The following JMJD1C variants were observed in gnomAD, a reference collection of about 807,000 sequenced individuals.
The protein encoded by JMJD1C is jumonji domain-containing protein 1C.
JMJD1C carries 31 observed loss-of-function variants against 245.3 expected under a neutral mutation model. That is an observed-to-expected ratio of 0.13 (90% CI 0.09 to 0.17). The LOEUF is 0.17. Ranked by LOEUF, JMJD1C falls within the 10% of genes least tolerant of loss-of-function variation. JMJD1C has a pLI of 1.00. For synonymous variants in JMJD1C, 1,057 were observed against 1,017.4 expected (o/e 1.04, Z -0.74); for missense variants, 2,691 against 3,000.2 (o/e 0.90, Z 2.41).
intron 2 of JMJD1C, among the ~76,000 whole-genome samples, chr10:63,281,366 G>A (rs984186107): frequency 7.3e-5 from 9 of 123,494 alleles, no homozygotes; most frequent in African/African-American, 2.2e-4. Context: ...TCACCATGTC[G>A]GCCAGACTGG....
At chr10:63,308,928 AAG>A (rs1938713921) in intron 2 of JMJD1C, among the ~76,000 whole-genome samples, 1 of 152,124 alleles carries the variant, frequency 6.6e-6, no homozygotes, top group Non-Finnish European at 1.5e-5. Context: ...CTTGGGGAAA[AAG>A]AGAAGATTCT....
chr10:63,238,395 G>A (rs1277134571), intron 3 of JMJD1C, among the ~76,000 whole-genome samples: 2 of 151,748 alleles, frequency 1.3e-5, no homozygotes, highest in Non-Finnish European at 1.5e-5. Flanking sequence ...TAAACTGAAT[G>A]AAGCATATTA....
Position 63,378,221 on chromosome 10 carries a change from C to T in JMJD1C, c.333+2097G>A, listed in dbSNP as rs537390187. Among the ~76,000 whole-genome samples the T allele has an allele frequency of 3.5e-3, 532 of 152,074 alleles. 1 individual carries two copies. The highest frequency in any genetic ancestry group is 6.8e-3 in the Middle Eastern group (2 of 294). ...CAAAATTATCATTAAACAGTATTTT[C>T]CAATAAAAATTCTCTCTAAAATCAG... On this transcript the variant is annotated intron_variant, in intron 2 of 25. Transcript: ENST00000399262.
intron 4 of JMJD1C, 103 bp downstream of exon 4, chr10:63,219,775 A>G (rs923152151): frequency 5.9e-5 from 40 of 673,958 alleles, no homozygotes; most frequent in Non-Finnish European, 1.3e-5. Flanking sequence ...AAAATATTGG[A>G]CTGGGCCTTC....
intron 1 of JMJD1C, among the ~76,000 whole-genome samples, chr10:63,511,346 C>T (rs1201988039): frequency 6.6e-6 from 1 of 152,170 alleles, no homozygotes; most frequent in Non-Finnish European, 1.5e-5. Flanking sequence ...ACAGTTGACC[C>T]TTAAACAACA....
At chr10:63,337,623 G>A (rs145815785) in intron 2 of JMJD1C, among the ~76,000 whole-genome samples, 895 of 41,156 alleles carry the variant, frequency 0.022, 43 homozygotes, top group South Asian at 0.048. Flanking sequence ...GAAAAGAAAA[G>A]AAAAAGAAAA....
chr10:63,246,800 G>A (rs1052744597), intron 3 of JMJD1C, among the ~76,000 whole-genome samples: 1 of 151,922 alleles, frequency 6.6e-6, no homozygotes, highest in Non-Finnish European at 1.5e-5. Context: ...GGAAACCTCT[G>A]AAAACACACA....
At chr10:63,168,159 ATCACT>A (rs780454077) in intron 25 of JMJD1C, 25 bp from the exon 26 acceptor site, 3 of 1,453,334 alleles carry the variant, frequency 2.1e-6, no homozygotes, top group South Asian at 1.1e-5. Context: ...GATATTTCTA[ATCACT>A]TCAGTTCGAC....
At chr10:63,196,639 T>C (rs1845492479) in intron 13 of JMJD1C, among the ~76,000 whole-genome samples, 1 of 152,212 alleles carries the variant, frequency 6.6e-6, no homozygotes, top group African/African-American at 2.4e-5. Context: ...ACTCATTACT[T>C]TGAGACAGAC....
At chr10:63,424,151 G>A (rs189197743) in intron 1 of JMJD1C, among the ~76,000 whole-genome samples, 2 of 151,948 alleles carry the variant, frequency 1.3e-5, no homozygotes, top group Admixed American at 1.3e-4. Context: ...GGACTGAAGT[G>A]ACTGAAGGTG....
chr10:63,216,355 GTAT>G (rs1289206967), intron 5 of JMJD1C, among the ~76,000 whole-genome samples: 2 of 151,684 alleles, frequency 1.3e-5, no homozygotes, highest in African/African-American at 2.4e-5. Context: ...TTAAAAATGA[GTAT>G]TTTTTGTATT....
intron 2 of JMJD1C, among the ~76,000 whole-genome samples, chr10:63,291,699 T>A (rs897641960): frequency 1.3e-5 from 2 of 151,904 alleles, no homozygotes; most frequent in Non-Finnish European, 2.9e-5. Context: ...ATGATCACAG[T>A]GCACTATGGC....
rs556813190 is a variant in JMJD1C at position 63,291,940 on chromosome 10, C to G, written c.334-27176G>C. ...ACATGAGAAATGTGTGTGTGCATGT[C>G]TGTGTGTGTTGTATGTGTGTGTGTA... On this transcript the variant is annotated intron_variant, in intron 2 of 25. Transcript: ENST00000399262. Among the ~76,000 whole-genome samples, 5 of 151,866 alleles carry G rather than the reference C, an allele frequency of 3.3e-5. No homozygotes were observed. In the East Asian group the frequency reaches 9.7e-4, roughly 29 times the overall value.
chr10:63,180,297 C>T (rs190380333), intron 22 of JMJD1C, among the ~76,000 whole-genome samples: 1 of 152,344 alleles, frequency 6.6e-6, no homozygotes, highest in African/African-American at 2.4e-5. Context: ...AGGCGTGAGC[C>T]ACTGCTAATT....
chr10:63,504,968 T>C lies in JMJD1C; in HGVS notation n.113+16770A>G, dbSNP rs1328049471. ...AGGAGTTTGAGGTGAGCTATGATCA[T>C]ACCACTGTACTCCAGCATGAGTGAC... On this transcript the variant is annotated intron_variant and non_coding_transcript_variant, in intron 1 of 3. Coordinates refer to the JMJD1C transcript ENST00000633035. Among the ~76,000 whole-genome samples the C allele has an allele frequency of 2.0e-5, 3 of 151,974 alleles. 1 individual carries two copies. Among genetic ancestry groups the C allele is most frequent in the Admixed American group, 2.0e-4 (3 of 15,268 alleles).
At chr10:63,293,499 TTG>T (rs1399259122) in intron 2 of JMJD1C, among the ~76,000 whole-genome samples, 1 of 152,198 alleles carries the variant, frequency 6.6e-6, no homozygotes, top group Non-Finnish European at 1.5e-5. Flanking sequence ...TATGTAATAT[TTG>T]TTTTTCCTTC....
At chr10:63,445,076 A>T (rs934135555) in intron 1 of JMJD1C, among the ~76,000 whole-genome samples, 2 of 151,938 alleles carry the variant, frequency 1.3e-5, no homozygotes, top group African/African-American at 4.8e-5. Context: ...AAAAACAATT[A>T]AAAAAAATTA....
intron 1 of JMJD1C, among the ~76,000 whole-genome samples, chr10:63,445,905 C>T (rs1951691445): frequency 8.5e-6 from 1 of 118,228 alleles, no homozygotes; most frequent in South Asian, 3.0e-4. Context: ...GACAGAGTCT[C>T]ACTCTGGTTA....
At chr10:63,309,861 G>A (rs1014933683) in intron 2 of JMJD1C, among the ~76,000 whole-genome samples, 1 of 152,092 alleles carries the variant, frequency 6.6e-6, no homozygotes, top group Non-Finnish European at 1.5e-5. Context: ...AGGTTGCCGT[G>A]AGCCAAGATC....
Sources: allele counts gnomAD v4.1 joint callset (sites outside exome capture counted in the v4.1 genomes callset), GRCh38; gene constraint gnomAD v4.1.1; transcripts MANE v1.5; gene names NCBI Gene and HGNC (gene_info 2026-07-23, HGNC 2026-07-21).